SSPN: variants seen among roughly 807,000 people sequenced by gnomAD.
SSPN encodes sarcospan.
In SSPN, 15 loss-of-function variants were observed where a neutral mutation model predicts 19.1. The observed-to-expected ratio is 0.78, with a 90% CI of 0.52 to 1.21. The LOEUF (loss-of-function observed/expected upper bound fraction) is 1.21, where lower values mean the gene tolerates loss of function less well. Among genes scored for constraint, SSPN ranks in the 50% most tolerant of loss-of-function variants. SSPN has a pLI of 0.00. For missense variants in SSPN, 291 were observed against 314.0 expected (o/e 0.93, Z 0.55); for synonymous variants, 147 against 140.3 (o/e 1.05, Z -0.34).
At chr12:26,195,501 C>T (rs1183219173), upstream of SSPN, 2 of 1,166,298 alleles carry the variant, frequency 1.7e-6, no homozygotes, top group East Asian at 3.2e-5. Context: ...CCCCCCTCTG[C>T]TGCGGGCTCC....
chr12:26,140,773 T>C (rs1944456116), intron 1 of SSPN, among the ~76,000 whole-genome samples: 1 of 152,200 alleles, frequency 6.6e-6, no homozygotes, highest in African/African-American at 2.4e-5. Flanking sequence ...CTGCTTGTAC[T>C]GCCTGCAGAA....
chr12:26,202,189 A>G (rs1488269674), intron 1 of SSPN, among the ~76,000 whole-genome samples: 1 of 152,224 alleles, frequency 6.6e-6, no homozygotes, highest in Non-Finnish European at 1.5e-5. Flanking sequence ...GTACATGTTC[A>G]GTACAGACAC....
chr12:26,138,217 G>A (rs956201731), intron 1 of SSPN, among the ~76,000 whole-genome samples: 8 of 151,930 alleles, frequency 5.3e-5, no homozygotes, highest in South Asian at 4.2e-4. Context: ...TATTTATTTC[G>A]TTTCACATAT....
At chr12:26,138,702 A>G (rs1166175537) in intron 1 of SSPN, among the ~76,000 whole-genome samples, 5 of 152,170 alleles carry the variant, frequency 3.3e-5, no homozygotes, top group African/African-American at 1.2e-4. Flanking sequence ...TGATCAATCC[A>G]TAAATAATTA....
At chr12:26,197,720 G>A (rs1274701375) in intron 1 of SSPN, among the ~76,000 whole-genome samples, 1 of 152,128 alleles carries the variant, frequency 6.6e-6, no homozygotes, top group Non-Finnish European at 1.5e-5. Flanking sequence ...AAGCTCCCTG[G>A]GTGTTGCACA....
At chr12:26,191,714 A>G (rs1269825954), upstream of SSPN, among the ~76,000 whole-genome samples, 1 of 135,410 alleles carries the variant, frequency 7.4e-6, no homozygotes, top group African/African-American at 2.9e-5. Context: ...ACACACACAC[A>G]CACAAATACA....
chr12:26,177,434 T>C (rs1202214780), intron 1 of SSPN, among the ~76,000 whole-genome samples: 1 of 152,196 alleles, frequency 6.6e-6, no homozygotes, highest in Non-Finnish European at 1.5e-5. Context: ...ACAGTCATGC[T>C]GCCCAGTGTT....
At chr12:26,154,710 G>A (rs1368945833) in intron 1 of SSPN, among the ~76,000 whole-genome samples, 1 of 152,198 alleles carries the variant, frequency 6.6e-6, no homozygotes, top group East Asian at 1.9e-4. Flanking sequence ...TGAGAACCCA[G>A]TATCTACTGT....
At chr12:26,166,952 T>C (rs180883888) in intron 1 of SSPN, among the ~76,000 whole-genome samples, 1 of 152,342 alleles carries the variant, frequency 6.6e-6, no homozygotes, top group Non-Finnish European at 1.5e-5. Context: ...TTAAAGGTTT[T>C]CCAACTATAT....
chr12:26,143,952 A>C (rs58742111), intron 1 of SSPN, among the ~76,000 whole-genome samples: 1 of 152,190 alleles, frequency 6.6e-6, no homozygotes, highest in Non-Finnish European at 1.5e-5. Context: ...ATGATCCATC[A>C]CTGTCTCCCA....
At chr12:26,135,385 G>A (rs995357889) in intron 1 of SSPN, among the ~76,000 whole-genome samples, 7 of 152,180 alleles carry the variant, frequency 4.6e-5, no homozygotes, top group African/African-American at 1.2e-4. Context: ...AGGATTGAGA[G>A]CCAGTGAAGC....
At chr12:26,219,869 C>A (rs547107204) in intron 1 of SSPN, among the ~76,000 whole-genome samples, 8 of 152,180 alleles carry the variant, frequency 5.3e-5, no homozygotes, top group Non-Finnish European at 1.2e-4. Context: ...TCTGGTCCAA[C>A]AAGCGCCTTC....
chr12:26,225,273 G>A (rs1945165762), intron 2 of SSPN, among the ~76,000 whole-genome samples: 1 of 151,846 alleles, frequency 6.6e-6, no homozygotes, highest in African/African-American at 2.4e-5. Flanking sequence ...AAAATAAGGT[G>A]TGTTGGAAGA....
intron 1 of SSPN, among the ~76,000 whole-genome samples, chr12:26,201,750 G>C (rs1239870823): frequency 6.6e-6 from 1 of 151,986 alleles, no homozygotes; most frequent in Non-Finnish European, 1.5e-5. Flanking sequence ...AGAAATACTG[G>C]TACATAGAAT....
intron 1 of SSPN, among the ~76,000 whole-genome samples, chr12:26,196,704 G>A (rs903875132): frequency 1.3e-5 from 2 of 152,216 alleles, no homozygotes; most frequent in Admixed American, 1.3e-4. Flanking sequence ...CTGTGTGCTC[G>A]CCCTGCTAGA....
In SSPN at chr12:26,233,769, G is replaced by T. The variant is rs1245801745; in HGVS notation, c.*2693G>T. On this transcript the variant is annotated 3_prime_UTR_variant, in exon 3 of 3. Transcript: ENST00000242729. The surrounding 1 kb of genome is among the most constrained non-coding windows in gnomAD (Gnocchi z 4.3). ...TCCTCCTCTTCCACCTCCTTCAGGAGAATTAAATGAATCAAGACTTTGGAA... is the reference window on the plus strand; with the variant it reads ...TCCTCCTCTTCCACCTCCTTCAGGATAATTAAATGAATCAAGACTTTGGAA... 6.6e-6 allele frequency: 1 copy of T among 152,230 alleles called. No individual in the cohort carries two copies. The highest frequency in any genetic ancestry group is 1.9e-4 in the East Asian group (1 of 5,202). The allele number at this position is 152,230 out of a possible 1,614,324, so 9.4% of individuals were successfully genotyped here.
At chr12:26,191,550 A>G (rs1944787631), upstream of SSPN, among the ~76,000 whole-genome samples, 1 of 152,202 alleles carries the variant, frequency 6.6e-6, no homozygotes, top group South Asian at 2.1e-4. Flanking sequence ...TGAAAATACA[A>G]ACTTGCAAGC....
At chr12:26,122,698 C>T in intron 1 of SSPN, 1 of 1,567,598 alleles carries the variant, frequency 6.4e-7, no homozygotes, top group Non-Finnish European at 8.6e-7. Context: ...GCCGGCGAGT[C>T]CTCCCCGGGA....
chr12:26,177,679 A>G (rs1944692968), intron 1 of SSPN, among the ~76,000 whole-genome samples: 3 of 152,162 alleles, frequency 2.0e-5, no homozygotes, highest in Non-Finnish European at 4.4e-5. Flanking sequence ...AAGGAACAGA[A>G]ATCCTAGAAA....
Sources: gnomAD v4.1 joint callset for allele counts (sites outside exome capture counted in the v4.1 genomes callset) on GRCh38, gnomAD v4.1.1 for gene constraint, Gnocchi (gnomAD v3.1) non-coding constraint, MANE v1.5 for transcripts, NCBI Gene and HGNC (gene_info 2026-07-23, HGNC 2026-07-21) for gene names.